Variants in CADM2 observed in about 807,000 individuals in gnomAD.
The protein encoded by CADM2 is cell adhesion molecule 2.
Under a neutral mutation model 49.8 loss-of-function variants are expected in CADM2, and 12 were observed. The observed-to-expected ratio is 0.24, with a 90% CI of 0.15 to 0.39. CADM2 has a LOEUF of 0.39. CADM2 is among the 10% of genes least tolerant of loss of function. The pLI is 1.00. For synonymous variants in CADM2, 214 were observed against 175.4 expected (o/e 1.22, Z -1.74); for missense variants, 378 against 492.3 (o/e 0.77, Z 2.20).
intron 1 of CADM2, among the ~76,000 whole-genome samples, chr3:85,002,214 C>T (rs1160545188): frequency 6.6e-6 from 1 of 152,020 alleles, no homozygotes; most frequent in African/African-American, 2.4e-5. Flanking sequence ...TCTTTGCTCC[C>T]TTTTCCTCTG....
intron 3 of CADM2, among the ~76,000 whole-genome samples, chr3:85,879,287 A>G (rs1712382804): frequency 6.6e-6 from 1 of 152,048 alleles, no homozygotes; most frequent in Non-Finnish European, 1.5e-5. Flanking sequence ...TTCAGTCACA[A>G]GCACAGACCT....
rs190305615 is a variant in CADM2, at chr3:85,973,812, A to G, written c.970+12165A>G. Among the ~76,000 whole-genome samples, 12 of 151,840 alleles carry G rather than the reference A, an allele frequency of 7.9e-5. No homozygotes were observed. The East Asian group carries it at 2.2e-3, about 27-fold the overall frequency. On this transcript the variant is annotated intron_variant, in intron 8 of 9. Coordinates refer to ENST00000383699, the MANE Select transcript of CADM2 (RefSeq NM_001167675.2). ...GTCATGAATGGAAGCATTATTGGTC[A>G]TGGGGATTTGGGTGGGACAAAGTGA...
chr3:85,581,739 C>T (rs2062804717), intron 1 of CADM2, among the ~76,000 whole-genome samples: 1 of 151,372 alleles, frequency 6.6e-6, no homozygotes, highest in African/African-American at 2.4e-5. Flanking sequence ...GTGGTAATTA[C>T]ATGGGCAATA....
chr3:85,137,375 A>G (rs980516329), intron 1 of CADM2, among the ~76,000 whole-genome samples: 2 of 151,960 alleles, frequency 1.3e-5, no homozygotes, highest in Admixed American at 6.6e-5. Flanking sequence ...GTTTAGCAGA[A>G]TGTACTTAGT....
intron 1 of CADM2, among the ~76,000 whole-genome samples, chr3:85,562,885 C>G (rs554387146): frequency 1.3e-5 from 2 of 151,988 alleles, no homozygotes; most frequent in Non-Finnish European, 2.9e-5. Context: ...GCATAAATAC[C>G]TAATTTATGA....
intron 1 of CADM2, among the ~76,000 whole-genome samples, chr3:84,974,036 A>G (rs1029627505): frequency 8.5e-5 from 13 of 152,168 alleles, no homozygotes; most frequent in Admixed American, 4.6e-4. Flanking sequence ...CACACATCAT[A>G]TGAACAGGCT....
chr3:85,677,644 C>A (rs1402344359), intron 1 of CADM2, among the ~76,000 whole-genome samples: 2 of 151,822 alleles, frequency 1.3e-5, no homozygotes, highest in African/African-American at 4.8e-5. Flanking sequence ...TTCAAAAATG[C>A]AAAATGTATA....
In CADM2 at chr3:85,958,125, A is replaced by G. The variant is rs1047522196; in HGVS notation, c.792-3344A>G. ...GATAAAAAACAACAACCCCATCTGA[A>G]AGTGGGCAAAGGATATGAACAGGCA... is the stretch of plus-strand genomic sequence containing the variant. On this transcript the variant is annotated intron_variant, in intron 7 of 9. Coordinates refer to ENST00000383699, the MANE Select transcript of CADM2 (RefSeq NM_001167675.2). Among the ~76,000 whole-genome samples the G allele has an allele frequency of 3.3e-5, 5 of 152,160 alleles. No individual in the cohort carries two copies. In the East Asian group the frequency reaches 7.8e-4, roughly 24 times the overall value.
chr3:85,897,596 G>T (rs1195220382), intron 5 of CADM2, among the ~76,000 whole-genome samples: 1 of 151,838 alleles, frequency 6.6e-6, no homozygotes, highest in Non-Finnish European at 1.5e-5. Context: ...ATAGTCTCTG[G>T]CCATATAACT....
At chr3:85,397,086 A>C (rs928044925) in intron 1 of CADM2, among the ~76,000 whole-genome samples, 1 of 152,132 alleles carries the variant, frequency 6.6e-6, no homozygotes, top group Non-Finnish European at 1.5e-5. Context: ...CAAATTCAAA[A>C]ATGGGAAAAA....
At chr3:85,204,965 A>T (rs1005112085) in intron 1 of CADM2, among the ~76,000 whole-genome samples, 1 of 152,040 alleles carries the variant, frequency 6.6e-6, no homozygotes, top group Non-Finnish European at 1.5e-5. Context: ...GCACTGAGAA[A>T]ATGAGTGGTT....
At chr3:86,022,993 A>G (rs1733388303) in intron 8 of CADM2, among the ~76,000 whole-genome samples, 1 of 152,198 alleles carries the variant, frequency 6.6e-6, no homozygotes, top group Non-Finnish European at 1.5e-5. Context: ...TTCAAAAAAT[A>G]AAATATATAG....
At chr3:85,415,898 A>C (rs574611775) in intron 1 of CADM2, among the ~76,000 whole-genome samples, 8 of 152,096 alleles carry the variant, frequency 5.3e-5, no homozygotes, top group Non-Finnish European at 1.0e-4. Flanking sequence ...AATTATTGCA[A>C]ATTTGTGGGG....
chr3:85,122,801 T>G (rs1429207543), intron 1 of CADM2, among the ~76,000 whole-genome samples: 2 of 152,108 alleles, frequency 1.3e-5, no homozygotes, highest in Non-Finnish European at 2.9e-5. Flanking sequence ...CTTAAAGTCA[T>G]GTAAAAACAT....
chr3:85,262,556 A>G (rs1431604113), intron 1 of CADM2, among the ~76,000 whole-genome samples: 1 of 152,150 alleles, frequency 6.6e-6, no homozygotes, highest in Non-Finnish European at 1.5e-5. Flanking sequence ...TAGAGTACAC[A>G]AAGTGTTTTT....
In CADM2 at chr3:85,043,554, G is replaced by T. The variant is rs538392294; in HGVS notation, c.61+83886G>T. On this transcript the variant is annotated intron_variant, in intron 1 of 9. Coordinates refer to ENST00000383699, the MANE Select transcript of CADM2 (RefSeq NM_001167675.2). ...AAAATAAAATAGAAAACTAGGGATG[G>T]TATACTCCTAGCTACTCAGGAGGCT... 3.0e-4 allele frequency among the ~76,000 whole-genome samples: 46 copies of T among 152,036 alleles called. No homozygotes were observed. In the South Asian group the frequency reaches 9.6e-3, roughly 32 times the overall value.
chr3:85,923,537 C>CA (rs57230094), intron 6 of CADM2, among the ~76,000 whole-genome samples: 19,333 of 136,610 alleles, frequency 0.14, 1,933 homozygotes, highest in East Asian at 0.31. Flanking sequence ...ATCATGAAAG[C>CA]AAAAAAAAAA....
chr3:85,274,172 G>A (rs2043306530), intron 1 of CADM2, among the ~76,000 whole-genome samples: 1 of 151,354 alleles, frequency 6.6e-6, no homozygotes, highest in Non-Finnish European at 1.5e-5. Flanking sequence ...GAAAATGAGA[G>A]GAGGGGAATT....
intron 1 of CADM2, among the ~76,000 whole-genome samples, chr3:85,194,403 A>C (rs2041288999): frequency 6.6e-6 from 1 of 152,108 alleles, no homozygotes. Flanking sequence ...TTAGCAAAGA[A>C]AAAATGGTGG....
Sources: allele counts gnomAD v4.1 joint callset (sites outside exome capture counted in the v4.1 genomes callset), GRCh38; gene constraint gnomAD v4.1.1; transcripts MANE v1.5; gene names NCBI Gene and HGNC (gene_info 2026-07-23, HGNC 2026-07-21).